The following MDN1 variants were observed in gnomAD, a reference collection of about 807,000 sequenced individuals.
The protein encoded by MDN1 is midasin.
In MDN1, 266 loss-of-function variants were observed where a neutral mutation model predicts 669.2. The ratio of observed to expected loss-of-function variants is 0.40; its 90% CI spans 0.36 to 0.44. The LOEUF (loss-of-function observed/expected upper bound fraction) is 0.44. MDN1 is among the 20% of genes least tolerant of loss of function. MDN1 has a pLI of 1.00. For missense variants in MDN1, 5,940 were observed against 6,754.0 expected (o/e 0.88, Z 4.22); for synonymous variants, 2,385 against 2,457.1 (o/e 0.97, Z 0.87).
At chr6:89,702,917 T>C (rs540586844) in intron 53 of MDN1, among the ~76,000 whole-genome samples, 1 of 150,438 alleles carries the variant, frequency 6.6e-6, no homozygotes, top group Non-Finnish European at 1.5e-5. Context: ...CTACATATAA[T>C]GTGAGGTAGG....
chr6:89,706,098 C>A lies in MDN1; in HGVS notation c.8109G>T (p.Gln2703His). 6.2e-7 allele frequency: 1 copy of A among 1,611,978 alleles called. No homozygotes were observed. Among genetic ancestry groups the A allele is most frequent in the African/African-American group, 1.3e-5 (1 of 75,012 alleles). ...CATCAGACACCATTCCCTGGGAGGA[C>A]TGTACCCAGAGCAGGACTAGTGCAT... The part of the protein sequence containing the change: ...LCDALVLLWV[Q>H]SSQGMVSDAS... The change falls in exon 53 of 102, where the codon CAG (glutamine) becomes CAT (histidine). Residue 2703 changes from glutamine to histidine, a missense_variant. Gln to His is a conservative substitution (Grantham distance 24). This residue lies in a region of MDN1 where 2,292 missense variants were observed against 2,638.3 expected (regional missense o/e 0.87). Coordinates refer to ENST00000369393, the MANE Select transcript of MDN1 (RefSeq NM_014611.3).
chr6:89,649,798 C>A (rs1808726412), intron 97 of MDN1, among the ~76,000 whole-genome samples: 1 of 152,164 alleles, frequency 6.6e-6, no homozygotes, highest in East Asian at 1.9e-4. Context: ...AAGAAACTAA[C>A]ACATCTGAGA....
At chr6:89,653,770 AT>A (rs1341939976) in intron 93 of MDN1, among the ~76,000 whole-genome samples, 2 of 152,154 alleles carry the variant, frequency 1.3e-5, no homozygotes, top group Non-Finnish European at 2.9e-5. Context: ...TCCTCATTCT[AT>A]TTCTTTTAAT....
chr6:89,811,409 A>G (rs1347656876), intron 1 of MDN1, among the ~76,000 whole-genome samples: 1 of 152,196 alleles, frequency 6.6e-6, no homozygotes, highest in Non-Finnish European at 1.5e-5. Context: ...AAATAAAAAC[A>G]GGACAATGAA....
At position 89,758,860 on chromosome 6, in the gene MDN1, T is replaced by C; in HGVS notation, c.2561A>G (p.Glu854Gly). 6.2e-7 allele frequency: 1 copy of C among 1,614,166 alleles called. No individual in the cohort carries two copies. Among genetic ancestry groups the C allele is most frequent in the Non-Finnish European group, 8.5e-7 (1 of 1,180,028 alleles). ...EILECLSGLL[E>G]GSSGSLVLLD... ...CAACACCAGGGATCCAGAAGATCCTTCAAGCAAACCACTCAGACATTCTAG... is the reference window on the plus strand; with the variant it reads ...CAACACCAGGGATCCAGAAGATCCTCCAAGCAAACCACTCAGACATTCTAG... The change falls in exon 18 of 102, where the codon GAA becomes GGA. Residue 854 changes from glutamate (E) to glycine (G), a missense_variant. Coordinates refer to ENST00000369393, the MANE Select transcript of MDN1 (RefSeq NM_014611.3).
intron 81 of MDN1, 83 bp from the exon 82 acceptor site, chr6:89,672,446 T>A: frequency 1.9e-6 from 3 of 1,594,604 alleles, no homozygotes; most frequent in South Asian, 2.3e-5. Context: ...CAGTTATCTG[T>A]TTCTAACATC....
intron 1 of MDN1, among the ~76,000 whole-genome samples, chr6:89,806,066 T>C (rs1173475198): frequency 1.3e-5 from 2 of 152,078 alleles, no homozygotes; most frequent in Non-Finnish European, 2.9e-5. Flanking sequence ...GTCCCCTAAG[T>C]AGCTAGGATT....
At chr6:89,727,983 G>A (rs1178832833) in intron 36 of MDN1, 28 bp from the exon 37 acceptor site, 2 of 1,583,292 alleles carry the variant, frequency 1.3e-6, no homozygotes, top group Admixed American at 3.7e-5. Context: ...ATGGAAAGAA[G>A]CCATTATTAC....
At chr6:89,648,380 A>T (rs1276255748) in intron 97 of MDN1, 51 bp from the exon 98 acceptor site, 2 of 1,534,798 alleles carry the variant, frequency 1.3e-6, no homozygotes, top group Non-Finnish European at 1.8e-6. Flanking sequence ...CCTCTAAACC[A>T]GAGCCTCTCA....
At chr6:89,664,377 C>T (rs1234342243) in intron 85 of MDN1, 110 bp downstream of exon 85, 7 of 1,395,270 alleles carry the variant, frequency 5.0e-6, no homozygotes, top group East Asian at 2.3e-5. Context: ...AGCACAGTAA[C>T]CAACTTGTTT....
At chr6:89,706,794 CAT>C (rs1405653641) in intron 52 of MDN1, among the ~76,000 whole-genome samples, 5 of 151,986 alleles carry the variant, frequency 3.3e-5, no homozygotes, top group Non-Finnish European at 5.9e-5. Context: ...AAACTAAGTA[CAT>C]ATGTTTAGAT....
chr6:89,803,783 A>C (rs892695183), intron 1 of MDN1, among the ~76,000 whole-genome samples: 4 of 150,620 alleles, frequency 2.7e-5, no homozygotes, highest in African/African-American at 7.3e-5. Flanking sequence ...GGGTTTCACC[A>C]TGTTAGCCAG....
intron 8 of MDN1, among the ~76,000 whole-genome samples, chr6:89,786,258 A>T (rs555998998): frequency 6.6e-6 from 1 of 151,940 alleles, no homozygotes; most frequent in South Asian, 2.1e-4. Flanking sequence ...ACTCGGTCTC[A>T]AAAAAAATTA....
intron 36 of MDN1, 51 bp downstream of exon 36, chr6:89,728,880 G>C: frequency 6.5e-7 from 1 of 1,527,700 alleles, no homozygotes; most frequent in Non-Finnish European, 9.0e-7. Context: ...AATTGACACA[G>C]ACATTACTAT....
At chr6:89,812,206 A>G (rs765224474) in intron 1 of MDN1, among the ~76,000 whole-genome samples, 27 of 151,750 alleles carry the variant, frequency 1.8e-4, no homozygotes, top group Non-Finnish European at 3.7e-4. Flanking sequence ...GGCTGGTCTC[A>G]AACTCCTGAC....
Position 89,654,303 on chromosome 6 carries a change from T to C in MDN1, c.15522A>G (p.Ala5174=), listed in dbSNP as rs1454232976. The C allele has an allele frequency of 6.2e-7, 1 of 1,614,236 alleles. No homozygotes were observed. Among genetic ancestry groups the C allele is most frequent in the Admixed American group, 1.7e-5 (1 of 60,020 alleles). ...CTTCCTGATCTTTGCCAGAGTCTTT[T>C]GCAGACTGTTGCTGTTCTTTGCTGG... ...DVASKEQQQS[A]KDSGKDQEEE... is the part of the protein sequence containing the mutation. The change falls in exon 93 of 102, where the codon GCA becomes GCG. Residue 5174 remains alanine (A), a synonymous_variant. Coordinates refer to ENST00000369393, the MANE Select transcript of MDN1 (RefSeq NM_014611.3).
rs1036120587 is a variant in MDN1 at position 89,682,436 on chromosome 6, C to T, written c.12102+696G>A. 2.0e-5 allele frequency among the ~76,000 whole-genome samples: 3 copies of T among 152,060 alleles called. No individual in the cohort carries two copies. The East Asian group carries it at 5.8e-4, about 29-fold the overall frequency. ...TTAAGACTAAAAGTTCGGCCAGGAG[C>T]GGTGGCTCCCGCCTGTAATCCGAGC... is the stretch of plus-strand genomic sequence containing the variant. On this transcript the variant is annotated intron_variant, in intron 73 of 101. Transcript: ENST00000369393.
Position 89,745,503 on chromosome 6 carries a change from A to T in MDN1, c.4028T>A (p.Leu1343Gln). ...PQSLFSKENV[L>Q]KLLGKLSTQI... ...TTTGGCCTACTCACCCAGCAATTTT[A>T]GAACATTTTCTTTGGAGAAAAGAGA... The change falls in exon 28 of 102, where the codon CTA (leucine) becomes CAA (glutamine). Residue 1343 changes from leucine to glutamine, a missense_variant. Around this residue, in one of 5 missense-constraint regions of MDN1, gnomAD observed 2,292 missense variants for 2,638.3 expected, o/e 0.87. Coordinates refer to ENST00000369393, the MANE Select transcript of MDN1 (RefSeq NM_014611.3). The T allele has an allele frequency of 6.2e-7, 1 of 1,614,134 alleles. No homozygotes were observed. The highest frequency in any genetic ancestry group is 8.5e-7 in the Non-Finnish European group (1 of 1,179,988).
At chr6:89,709,478 T>C (rs759231438) in intron 50 of MDN1, among the ~76,000 whole-genome samples, 4 of 152,210 alleles carry the variant, frequency 2.6e-5, no homozygotes, top group East Asian at 1.9e-4. Context: ...ACTGTAGAAC[T>C]GTGTTTGTAA....
Sources: gnomAD v4.1 joint callset for allele counts (sites outside exome capture counted in the v4.1 genomes callset) on GRCh38, gnomAD v4.1.1 for gene constraint, gnomAD v4.1.1 regional missense constraint, MANE v1.5 for transcripts, NCBI Gene and HGNC (gene_info 2026-07-23, HGNC 2026-07-21) for gene names.